Variants in B4GALT5 observed in about 807,000 individuals in gnomAD.
B4GALT5 encodes the protein beta-1,4-galactosyltransferase 5.
B4GALT5 carries 11 observed loss-of-function variants against 45.0 expected under a neutral mutation model. The observed-to-expected ratio is 0.24, with a 90% CI of 0.15 to 0.40. B4GALT5 has a LOEUF of 0.40. Among genes scored for constraint, B4GALT5 ranks in the 10% least tolerant of loss-of-function variants. The pLI, the probability that B4GALT5 is intolerant of heterozygous loss-of-function variation, is 1.00. For missense variants in B4GALT5, 337 were observed against 500.2 expected (o/e 0.67, Z 3.11); for synonymous variants, 185 against 182.9 (o/e 1.01, Z -0.09).
chr20:49,641,955 G>A (rs2085578853), intron 5 of B4GALT5, among the ~76,000 whole-genome samples: 1 of 151,878 alleles, frequency 6.6e-6, no homozygotes, highest in South Asian at 2.1e-4. Context: ...AAGATTTACA[G>A]ACTGAATTTG....
At chr20:49,664,468 A>T (rs1218560839) in intron 1 of B4GALT5, among the ~76,000 whole-genome samples, 2 of 145,782 alleles carry the variant, frequency 1.4e-5, no homozygotes, top group Non-Finnish European at 3.0e-5. Context: ...ACACACACAC[A>T]CACTTTAGAT....
At chr20:49,713,020 GAAGA>G (rs959310819) in intron 1 of B4GALT5, among the ~76,000 whole-genome samples, 20 of 150,914 alleles carry the variant, frequency 1.3e-4, no homozygotes, top group African/African-American at 4.6e-4. Context: ...GGAAGTAGAG[GAAGA>G]AAGGGGAGGG....
intron 1 of B4GALT5, among the ~76,000 whole-genome samples, chr20:49,694,949 CCTT>C (rs777463072): frequency 6.6e-6 from 1 of 152,150 alleles, no homozygotes; most frequent in East Asian, 1.9e-4. Context: ...AGAGAACCCT[CCTT>C]CTACCACTTC....
rs1222793168 is a variant in B4GALT5, at chr20:49,640,555, C to T, written c.717G>A (p.Pro239=). 4 of 1,613,886 alleles carry T rather than the reference C, an allele frequency of 2.5e-6. No homozygotes were observed. Among genetic ancestry groups the T allele is most frequent in the South Asian group, 2.2e-5 (2 of 91,014 alleles). The part of the protein sequence containing the change: ...CLIFHDVDHI[P]ESDRNYYGCG... ...ATCCATAATAGTTGCGATCACTTTC[C>T]GGTATGTGATCTACATCATGAAAAA... Residue 239 remains proline (P), a synonymous_variant, in exon 6 of 9, where the codon CCG becomes CCA. Transcript: ENST00000371711.
At chr20:49,645,482 C>G (rs2085595079) in intron 3 of B4GALT5, among the ~76,000 whole-genome samples, 1 of 152,174 alleles carries the variant, frequency 6.6e-6, no homozygotes, top group Admixed American at 6.5e-5. Flanking sequence ...GGAGCAGTGG[C>G]TCACACCTGT....
Position 49,647,019 on chromosome 20 carries a change from C to T in B4GALT5, c.310G>A (p.Glu104Lys). Residue 104 changes from glutamate to lysine, a missense_variant, in exon 3 of 9, where the codon GAA (glutamate) becomes AAA (lysine). By Grantham distance (56) the Glu-to-Lys change is moderately conservative. This residue lies in a region of B4GALT5 where 174 missense variants were observed against 207.4 expected (regional missense o/e 0.84). Transcript: ENST00000371711. ...TGGTTTGCAAAGTAGGTGAAGTCTTCAGGAAGAAATGTTGTAGTTTGCAGG... is the reference window on the plus strand; with the variant it reads ...TGGTTTGCAAAGTAGGTGAAGTCTTTAGGAAGAAATGTTGTAGTTTGCAGG... ...TFLQTTTFLPEDFTYFANHTC... is the reference protein window; with the variant it reads ...TFLQTTTFLPKDFTYFANHTC... 2 of 1,614,018 alleles carry T rather than the reference C, an allele frequency of 1.2e-6. No individual in the cohort carries two copies. The highest frequency in any genetic ancestry group is 2.2e-5 in the East Asian group (1 of 44,876).
chr20:49,709,126 C>T (rs1220072058), intron 1 of B4GALT5, among the ~76,000 whole-genome samples: 1 of 152,048 alleles, frequency 6.6e-6, no homozygotes, highest in Non-Finnish European at 1.5e-5. Context: ...AAATAGCTCG[C>T]TTCTGTTATC....
At chr20:49,705,188 A>G (rs1245960687) in intron 1 of B4GALT5, among the ~76,000 whole-genome samples, 1 of 152,136 alleles carries the variant, frequency 6.6e-6, no homozygotes, top group Non-Finnish European at 1.5e-5. Flanking sequence ...CCAACTACCT[A>G]GAGGATTGAG....
In B4GALT5 at chr20:49,713,582, C is replaced by T; in HGVS notation, c.109G>A (p.Gly37Ser). ...SLLYFVYVAPGIVNTYLFMMQ... is the reference protein window; with the variant it reads ...SLLYFVYVAPSIVNTYLFMMQ... ...TCCCAAGCCCCCTTCCTACCTATGC[C>T]GGGCGCCACATAGACGAAGTACAGC... The change falls in exon 1 of 9, where the codon GGC becomes AGC. Residue 37 changes from glycine (G) to serine (S), a missense_variant. Coordinates refer to ENST00000371711, the MANE Select transcript of B4GALT5 (RefSeq NM_004776.4). 1 of 1,581,128 alleles carries T rather than the reference C, an allele frequency of 6.3e-7. No homozygotes were observed. The highest frequency in any genetic ancestry group is 1.1e-5 in the South Asian group (1 of 87,118).
chr20:49,701,430 C>A (rs941851744), intron 1 of B4GALT5, among the ~76,000 whole-genome samples: 9 of 151,840 alleles, frequency 5.9e-5, no homozygotes, highest in African/African-American at 2.2e-4. Flanking sequence ...TTTCTATTTC[C>A]TCATTCGTCA....
At chr20:49,711,076 CAA>C (rs5841766) in intron 1 of B4GALT5, among the ~76,000 whole-genome samples, 324 of 131,824 alleles carry the variant, frequency 2.5e-3, no homozygotes, top group Middle Eastern at 7.9e-3. Context: ...GACTCTCTAT[CAA>C]AAAAAAAAAA....
In B4GALT5 at chr20:49,656,498, T is replaced by C. The variant is rs942650440; in HGVS notation, c.250+70A>G. ...ATGCGCTTTTCCCATTGAAAATAAT[T>C]ATTGCAACCGAATTTACCTCTCTTG... On this transcript the variant is annotated intron_variant, in intron 2 of 8. Coordinates refer to ENST00000371711, the MANE Select transcript of B4GALT5 (RefSeq NM_004776.4). 11 of 1,577,724 alleles carry C rather than the reference T, an allele frequency of 7.0e-6. No individual in the cohort carries two copies. The Middle Eastern group carries it at 1.0e-3, about 145-fold the overall frequency.
chr20:49,710,221 GA>G (rs2085902000), intron 1 of B4GALT5, among the ~76,000 whole-genome samples: 1 of 152,156 alleles, frequency 6.6e-6, no homozygotes, highest in Admixed American at 6.5e-5. Context: ...GCAAGCACTG[GA>G]AAAAGTTAAA....
chr20:49,679,538 T>C (rs2085755559), intron 1 of B4GALT5, among the ~76,000 whole-genome samples: 2 of 150,688 alleles, frequency 1.3e-5, no homozygotes, highest in South Asian at 4.2e-4. Flanking sequence ...TAGCCAGGCG[T>C]GGTGGCATGC....
rs2085581580 is a variant in B4GALT5, at chr20:49,642,578, T to G, written c.496A>C (p.Ile166Leu). The G allele has an allele frequency of 1.2e-6, 2 of 1,612,076 alleles. No individual in the cohort carries two copies. The highest frequency in any genetic ancestry group is 2.2e-5 in the South Asian group (2 of 90,928). Residue 166 changes from isoleucine (I) to leucine (L), a missense_variant, in exon 5 of 9, where the codon ATC (isoleucine) becomes CTC (leucine). Ile to Leu is a conservative substitution (Grantham distance 5). Coordinates refer to ENST00000371711, the MANE Select transcript of B4GALT5 (RefSeq NM_004776.4). ...SDCMPRWKVAILIPFRNRHEH... is the reference protein window; with the variant it reads ...SDCMPRWKVALLIPFRNRHEH... The stretch of plus-strand genomic sequence containing the variant: ...TGGCGGTTCCGGAAGGGGATAAGGA[T>G]CGCCACCTGGAGTGGATTACAGCAA...
intron 4 of B4GALT5, 47 bp downstream of exon 4, chr20:49,643,479 A>C (rs1018864768): frequency 1.4e-5 from 22 of 1,604,584 alleles, no homozygotes; most frequent in Non-Finnish European, 1.9e-5. Context: ...CCAAAGGCAA[A>C]CCCCAGGTGG....
At chr20:49,658,535 A>T (rs933616139) in intron 1 of B4GALT5, among the ~76,000 whole-genome samples, 1 of 152,130 alleles carries the variant, frequency 6.6e-6, no homozygotes, top group South Asian at 2.1e-4. Flanking sequence ...ATCTTGTGTA[A>T]AGCTTATAGT....
At chr20:49,665,899 T>C (rs934669861) in intron 1 of B4GALT5, among the ~76,000 whole-genome samples, 16 of 151,910 alleles carry the variant, frequency 1.1e-4, no homozygotes, top group African/African-American at 3.6e-4. Flanking sequence ...AAGTTTCATA[T>C]GGCTGGAGCG....
At chr20:49,668,030 AC>A (rs541720085) in intron 1 of B4GALT5, among the ~76,000 whole-genome samples, 98 of 152,314 alleles carry the variant, frequency 6.4e-4, no homozygotes, top group African/African-American at 1.2e-3. Context: ...CAATTTTCAT[AC>A]AAAAAGTGTT....
Sources: allele counts gnomAD v4.1 joint callset (sites outside exome capture counted in the v4.1 genomes callset), GRCh38; gene constraint gnomAD v4.1.1; regional missense constraint gnomAD v4.1.1; transcripts MANE v1.5; gene names NCBI Gene and HGNC (gene_info 2026-07-23, HGNC 2026-07-21).